Variants in CAMK1D observed in about 807,000 individuals in gnomAD.
CAMK1D encodes the protein calcium/calmodulin-dependent protein kinase type 1D.
Under a neutral mutation model 47.7 loss-of-function variants are expected in CAMK1D, and 9 were observed. That is an observed-to-expected ratio of 0.19 (90% CI 0.11 to 0.33). The LOEUF (loss-of-function observed/expected upper bound fraction) is 0.33. CAMK1D is among the 10% of genes least tolerant of loss of function. CAMK1D has a pLI of 1.00. For missense variants in CAMK1D, 291 were observed against 488.7 expected (o/e 0.60, Z 3.81); for synonymous variants, 184 against 184.9 (o/e 0.99, Z 0.04).
intron 1 of CAMK1D, among the ~76,000 whole-genome samples, chr10:12,498,804 C>G (rs139047248): frequency 3.3e-5 from 5 of 152,266 alleles, no homozygotes; most frequent in African/African-American, 1.2e-4. Flanking sequence ...CCATGAACTC[C>G]CTACTTCTTT....
intron 1 of CAMK1D, among the ~76,000 whole-genome samples, chr10:12,521,860 G>A (rs1306952485): frequency 6.6e-6 from 1 of 150,998 alleles, no homozygotes; most frequent in Non-Finnish European, 1.5e-5. Context: ...GGATGTTCTT[G>A]TTCTGAAGTT....
chr10:12,790,392 C>T (rs1357289935), intron 5 of CAMK1D, among the ~76,000 whole-genome samples: 1 of 152,174 alleles, frequency 6.6e-6, no homozygotes, highest in African/African-American at 2.4e-5. Flanking sequence ...CCTTTGTGAC[C>T]CCACAGCACC....
chr10:12,808,837 C>T (rs1207893095), intron 6 of CAMK1D, among the ~76,000 whole-genome samples: 1 of 151,854 alleles, frequency 6.6e-6, no homozygotes, highest in Non-Finnish European at 1.5e-5. Flanking sequence ...CCATACAGGG[C>T]TGGGTGTGGT....
At chr10:12,707,892 T>A (rs530381443) in intron 3 of CAMK1D, among the ~76,000 whole-genome samples, 1 of 152,256 alleles carries the variant, frequency 6.6e-6, no homozygotes, top group African/African-American at 2.4e-5. Context: ...TTGGGAGGAT[T>A]TATAAGGATT....
chr10:12,602,868 A>G (rs1259466263), intron 2 of CAMK1D, among the ~76,000 whole-genome samples: 1 of 110,430 alleles, frequency 9.1e-6, no homozygotes, highest in African/African-American at 2.8e-5. Flanking sequence ...TGACTCCCAT[A>G]AGCATCACAT....
chr10:12,740,428 A>G (rs1421551648), intron 3 of CAMK1D, among the ~76,000 whole-genome samples: 1 of 152,052 alleles, frequency 6.6e-6, no homozygotes, highest in East Asian at 1.9e-4. Context: ...GCGAAACCTC[A>G]TCTCTACTAA....
intron 1 of CAMK1D, among the ~76,000 whole-genome samples, chr10:12,518,399 A>G (rs1471353126): frequency 6.6e-6 from 1 of 152,210 alleles, no homozygotes; most frequent in Non-Finnish European, 1.5e-5. Context: ...ACTTGGGCTT[A>G]GGGTTGTTCA....
chr10:12,659,838 C>G (rs1042276512), intron 2 of CAMK1D, among the ~76,000 whole-genome samples: 2 of 152,172 alleles, frequency 1.3e-5, no homozygotes, highest in African/African-American at 4.8e-5. Flanking sequence ...ACCTGGTCCT[C>G]TATGGCCTTT....
intron 1 of CAMK1D, among the ~76,000 whole-genome samples, chr10:12,538,902 AAAG>A (rs201364798): frequency 0.016 from 2,311 of 148,872 alleles, 51 homozygotes; most frequent in African/African-American, 0.053. Flanking sequence ...AAAAAAAAAA[AAAG>A]AGAAAGGAAG....
chr10:12,595,604 G>A (rs554444942), intron 2 of CAMK1D, among the ~76,000 whole-genome samples: 6 of 151,808 alleles, frequency 4.0e-5, no homozygotes, highest in African/African-American at 9.7e-5. Flanking sequence ...AGTCCAACGT[G>A]CGTGCTCTGG....
At position 12,586,453 on chromosome 10, in the gene CAMK1D, G is replaced by GAAA. The variant is rs201388483; in HGVS notation, c.224+33116_224+33118dup. On this transcript the variant is annotated intron_variant, in intron 2 of 10. Transcript: ENST00000619168. ...GACAGAGCAAGACTTCCTCTCAAAA[G>GAAA]AAAAAAAAAAAAAAAAAAAAATTGA... 7.2e-4 allele frequency among the ~76,000 whole-genome samples: 81 copies of GAAA among 111,742 alleles called. 3 individuals carry two copies. The highest frequency in any genetic ancestry group is 1.0e-3 in the African/African-American group (31 of 30,124). The allele number at this position is 111,742 out of a possible 152,430, so 73.3% of individuals were successfully genotyped here.
intron 1 of CAMK1D, among the ~76,000 whole-genome samples, chr10:12,486,641 C>G (rs1458931022): frequency 6.6e-6 from 1 of 152,188 alleles, no homozygotes; most frequent in Non-Finnish European, 1.5e-5. Flanking sequence ...AGCCAAAATG[C>G]CAGCTTCTCT....
chr10:12,474,263 A>G (rs906232912), intron 1 of CAMK1D, among the ~76,000 whole-genome samples: 1 of 149,312 alleles, frequency 6.7e-6, no homozygotes, highest in Non-Finnish European at 1.5e-5. Flanking sequence ...CAGTGGTGCA[A>G]TCTCGGCTCA....
chr10:12,682,298 C>T (rs572191089), intron 3 of CAMK1D, among the ~76,000 whole-genome samples: 17 of 152,222 alleles, frequency 1.1e-4, no homozygotes, highest in South Asian at 4.2e-4. Flanking sequence ...GTCTTTGTGG[C>T]GCCCCTATTT....
intron 1 of CAMK1D, among the ~76,000 whole-genome samples, chr10:12,552,072 G>T (rs1444184913): frequency 6.6e-6 from 1 of 152,192 alleles, no homozygotes. Flanking sequence ...TGATGGAGGA[G>T]GCTGTTCCAT....
At chr10:12,372,650 A>G (rs1470504409) in intron 1 of CAMK1D, among the ~76,000 whole-genome samples, 4 of 152,158 alleles carry the variant, frequency 2.6e-5, no homozygotes, top group Non-Finnish European at 5.9e-5. Flanking sequence ...ACAGGGTCTC[A>G]CTCTGTCATT....
chr10:12,424,410 A>G (rs934445708), intron 1 of CAMK1D, among the ~76,000 whole-genome samples: 4 of 151,622 alleles, frequency 2.6e-5, no homozygotes, highest in Non-Finnish European at 4.4e-5. Flanking sequence ...TCCAAGTCTG[A>G]TTGGTGCAGT....
chr10:12,634,638 C>A (rs948289153), intron 2 of CAMK1D, among the ~76,000 whole-genome samples: 1 of 152,188 alleles, frequency 6.6e-6, no homozygotes, highest in Non-Finnish European at 1.5e-5. Context: ...GACAGCCCCC[C>A]AGAGCCGCCT....
intron 3 of CAMK1D, among the ~76,000 whole-genome samples, chr10:12,750,763 T>C (rs748729283): frequency 1.3e-5 from 2 of 151,830 alleles, no homozygotes; most frequent in African/African-American, 2.4e-5. Context: ...CTAAAGGAGG[T>C]AGGCAGGCCA....
Sources: gnomAD v4.1 joint callset for allele counts (sites outside exome capture counted in the v4.1 genomes callset) on GRCh38, gnomAD v4.1.1 for gene constraint, MANE v1.5 for transcripts, NCBI Gene and HGNC (gene_info 2026-07-23, HGNC 2026-07-21) for gene names.